The following DLGAP4 variants were observed in gnomAD, a reference collection of about 807,000 sequenced individuals.
DLGAP4 encodes the protein disks large-associated protein 4.
Under a neutral mutation model 86.9 loss-of-function variants are expected in DLGAP4, and 18 were observed. That is an observed-to-expected ratio of 0.21 (90% CI 0.14 to 0.31). The LOEUF (loss-of-function observed/expected upper bound fraction) is 0.31, where lower values mean the gene tolerates loss of function less well. DLGAP4 is among the 10% of genes least tolerant of loss of function. The pLI, the probability that DLGAP4 is intolerant of heterozygous loss-of-function variation, is 1.00. For missense variants in DLGAP4, 1,085 were observed against 1,362.6 expected (o/e 0.80, Z 3.21); for synonymous variants, 548 against 574.3 (o/e 0.95, Z 0.65).
intron 2 of DLGAP4, among the ~76,000 whole-genome samples, chr20:36,429,151 C>T (rs1271742924): frequency 6.6e-6 from 1 of 152,194 alleles, no homozygotes; most frequent in East Asian, 1.9e-4. Flanking sequence ...ACAATCTCGG[C>T]TCACTGCAAC....
rs143364215 is a variant in DLGAP4 at position 36,500,206 on chromosome 20, G to A, written c.2107G>A (p.Val703Ile). The change falls in exon 10 of 13, where the codon GTC (valine) becomes ATC (isoleucine). Residue 703 changes from valine (V) to isoleucine (I), a missense_variant. Around this residue, in one of 2 missense-constraint regions of DLGAP4, gnomAD observed 1,082 missense variants for 1,344.1 expected, o/e 0.81. Transcript: ENST00000339266. This position sits in a 1 kb window ranked among gnomAD's most constrained non-coding sequence, Gnocchi z 4.6. ...VQVEDDWRSS[V>I]PSHSMSSRRD... ...TCCACCCCCTACCCACAGAAGCAGC[G>A]TCCCCTCTCACAGTATGTCCTCCCG... The A allele has an allele frequency of 3.4e-5, 47 of 1,402,912 alleles. No homozygotes were observed. Among genetic ancestry groups the A allele is most frequent in the Admixed American group, 3.1e-4 (13 of 41,788 alleles). The allele number at this position is 1,402,912 out of a possible 1,614,324, so 86.9% of individuals were successfully genotyped here.
chr20:36,429,049 G>A (rs1294538900), intron 2 of DLGAP4, among the ~76,000 whole-genome samples: 1 of 152,108 alleles, frequency 6.6e-6, no homozygotes, highest in Non-Finnish European at 1.5e-5. Flanking sequence ...CATCTCCTCT[G>A]ACTCTGACCT....
chr20:36,397,901 C>T (rs143595173), intron 2 of DLGAP4, among the ~76,000 whole-genome samples: 2,261 of 152,250 alleles, frequency 0.015, 55 homozygotes, highest in African/African-American at 0.051. Flanking sequence ...GTGGGTGGAT[C>T]ACCTGAGGTC....
chr20:36,403,215 G>A (rs2032214891), intron 2 of DLGAP4, among the ~76,000 whole-genome samples: 1 of 152,134 alleles, frequency 6.6e-6, no homozygotes, highest in African/African-American at 2.4e-5. Flanking sequence ...ATCTGGCGAG[G>A]GCCTTCTTGC....
At chr20:36,351,548 G>T (rs1414949029) in intron 1 of DLGAP4, among the ~76,000 whole-genome samples, 2 of 151,870 alleles carry the variant, frequency 1.3e-5, no homozygotes, top group African/African-American at 4.8e-5. Flanking sequence ...GGCTCCAACT[G>T]ATTCTGCGTT....
intron 7 of DLGAP4, among the ~76,000 whole-genome samples, chr20:36,477,172 C>G (rs1017214314): frequency 2.6e-5 from 4 of 151,672 alleles, no homozygotes; most frequent in Non-Finnish European, 5.9e-5. Context: ...TTTCGGCTCC[C>G]TGCAACCTCG....
At chr20:36,486,698 C>T (rs1185510724) in intron 7 of DLGAP4, among the ~76,000 whole-genome samples, 2 of 151,560 alleles carry the variant, frequency 1.3e-5, no homozygotes, top group African/African-American at 2.4e-5. Context: ...GCAACCTCCA[C>T]CTCCCAGGTT....
At chr20:36,341,557 C>A (rs373232564) in intron 1 of DLGAP4, among the ~76,000 whole-genome samples, 1 of 152,364 alleles carries the variant, frequency 6.6e-6, no homozygotes, top group East Asian at 1.9e-4. Context: ...CGGTTTCCAT[C>A]CTTCCTGGTT....
rs2033395164 is a variant in DLGAP4, at chr20:36,439,825, C to A, written c.1313C>A (p.Thr438Asn). ...SKCPSWEEDY[T>N]PVSDSLNDSS... ...TGTCCGAGCTGGGAAGAGGACTACA[C>A]CCCCGTCAGCGACAGCCTCAACGAC... The change falls in exon 5 of 13, where the codon ACC becomes AAC. Residue 438 changes from threonine (T) to asparagine (N), a missense_variant. Physicochemically the swap from Thr to Asn is moderately conservative, Grantham distance 65. Transcript: ENST00000339266. 1 of 1,613,756 alleles carries A rather than the reference C, an allele frequency of 6.2e-7. No homozygotes were observed. The highest frequency in any genetic ancestry group is 8.5e-7 in the Non-Finnish European group (1 of 1,179,996).
chr20:36,358,098 G>A (rs903701132), intron 1 of DLGAP4, among the ~76,000 whole-genome samples: 7 of 152,208 alleles, frequency 4.6e-5, no homozygotes, highest in Non-Finnish European at 1.0e-4. Context: ...CCATGTCCCG[G>A]GGTTTAGGGC....
At chr20:36,323,264 C>A (rs913318939) in intron 1 of DLGAP4, among the ~76,000 whole-genome samples, 2 of 151,754 alleles carry the variant, frequency 1.3e-5, no homozygotes, top group African/African-American at 4.8e-5. Context: ...ATTAATTCCC[C>A]ACCTCCCTTC....
At chr20:36,334,798 C>T (rs1276224341) in intron 1 of DLGAP4, among the ~76,000 whole-genome samples, 1 of 152,078 alleles carries the variant, frequency 6.6e-6, no homozygotes, top group Non-Finnish European at 1.5e-5. Flanking sequence ...AGGATCTCCA[C>T]AGTGGCCTAG....
At position 36,423,455 on chromosome 20, in the gene DLGAP4, C is replaced by CAAAA. The variant is rs11434258; in HGVS notation, c.-72-8166_-72-8163dup. Among the ~76,000 whole-genome samples the CAAAA allele has an allele frequency of 2.1e-3, 35 of 16,338 alleles. 8 individuals carry two copies. The highest frequency in any genetic ancestry group is 0.021 in the East Asian group (13 of 608). 10.7% of individuals were successfully genotyped at this position (16,338 alleles called of 152,430 possible). ...TGGGTGACAGAGCAAGACTCCGTCT[C>CAAAA]AAAAAAAAAAAAAAAAAAAAAAAAA... On this transcript the variant is annotated intron_variant, in intron 2 of 12. Transcript: ENST00000339266.
chr20:36,432,490 A>C lies in DLGAP4; in HGVS notation c.773A>C (p.Lys258Thr). The C allele has an allele frequency of 6.2e-7, 1 of 1,613,518 alleles. No homozygotes were observed. The highest frequency in any genetic ancestry group is 8.5e-7 in the Non-Finnish European group (1 of 1,179,996). ...TISGHMLKTT[K>T]NNTTELTAPP... is the part of the protein sequence containing the mutation. Reference sequence around the variant, plus strand: ...AGTGGGCACATGCTCAAAACCACCAAGAACAACACTACTGAGCTGACTGCC... The same window carrying C: ...AGTGGGCACATGCTCAAAACCACCACGAACAACACTACTGAGCTGACTGCC... The change falls in exon 3 of 13, where the codon AAG (lysine) becomes ACG (threonine). Residue 258 changes from lysine to threonine, a missense_variant. Lys to Thr is a moderately conservative substitution (Grantham distance 78). Coordinates refer to ENST00000339266, the MANE Select transcript of DLGAP4 (RefSeq NM_001365621.2). The surrounding 1 kb of genome is among the most constrained non-coding windows in gnomAD (Gnocchi z 6.5).
chr20:36,517,010 C>T (rs1000033870), intron 10 of DLGAP4, among the ~76,000 whole-genome samples: 4 of 151,766 alleles, frequency 2.6e-5, no homozygotes, highest in Non-Finnish European at 5.9e-5. Flanking sequence ...TCGTGATCCG[C>T]CCGCCTCGGC....
intron 1 of DLGAP4, among the ~76,000 whole-genome samples, chr20:36,319,694 G>C (rs1444080128): frequency 2.0e-5 from 3 of 152,158 alleles, no homozygotes; most frequent in Admixed American, 1.3e-4. Flanking sequence ...TCACAGCCTC[G>C]TGACTCACAG....
chr20:36,521,160 G>T (rs1031836042), intron 10 of DLGAP4, among the ~76,000 whole-genome samples: 2 of 152,002 alleles, frequency 1.3e-5, no homozygotes, highest in African/African-American at 4.8e-5. Flanking sequence ...TTGCCATGTT[G>T]CCCAGGTTGC....
intron 1 of DLGAP4, among the ~76,000 whole-genome samples, chr20:36,348,638 T>G (rs2030025461): frequency 6.6e-6 from 1 of 151,932 alleles, no homozygotes. Flanking sequence ...AGGCTTGTCT[T>G]GAACTCCTGA....
chr20:36,467,063 T>TCTCTCTCTC (rs1569509700), intron 7 of DLGAP4, among the ~76,000 whole-genome samples: 3 of 39,346 alleles, frequency 7.6e-5, no homozygotes, highest in African/African-American at 3.7e-4. Flanking sequence ...TCTCTCTCTC[T>TCTCTCTCTC]CCCCCCCCCT....
Sources: allele counts gnomAD v4.1 joint callset (sites outside exome capture counted in the v4.1 genomes callset), GRCh38; gene constraint gnomAD v4.1.1; regional missense constraint gnomAD v4.1.1; non-coding constraint Gnocchi (gnomAD v3.1); transcripts MANE v1.5; gene names NCBI Gene and HGNC (gene_info 2026-07-23, HGNC 2026-07-21).